The following TMEM74 variants were observed in gnomAD, a reference collection of about 807,000 sequenced individuals.
TMEM74 encodes transmembrane protein 74.
TMEM74 carries 13 observed loss-of-function variants against 18.1 expected under a neutral mutation model. That is an observed-to-expected ratio of 0.72 (90% confidence interval 0.47 to 1.14). The LOEUF (loss-of-function observed/expected upper bound fraction) is 1.14, where lower values mean the gene tolerates loss of function less well. Among genes scored for constraint, TMEM74 ranks in the 50% most tolerant of loss-of-function variants. TMEM74 has a pLI of 0.00. For missense variants in TMEM74, 372 were observed against 375.9 expected, an observed-to-expected ratio of 0.99 and a Z score of 0.09; for synonymous variants, 159 against 146.6, an observed-to-expected ratio of 1.08 and a Z score of -0.61.
At chr8:108,656,755 C>T (rs1292875326) in intron 1 of TMEM74, among the ~76,000 whole-genome samples, 1 of 151,988 alleles carries the variant, frequency 6.6e-6, no homozygotes, top group Non-Finnish European at 1.5e-5. Flanking sequence ...ATGTAGGTAA[C>T]AAAATAAAGA....
intron 1 of TMEM74, among the ~76,000 whole-genome samples, chr8:108,678,457 T>C (rs1186792704): frequency 2.0e-5 from 3 of 151,734 alleles, no homozygotes; most frequent in Non-Finnish European, 2.9e-5. Flanking sequence ...CTCTGCCTCC[T>C]GGGTTCAGGC....
At chr8:108,651,392 G>A (rs138522045) in intron 2 of TMEM74, among the ~76,000 whole-genome samples, 105 of 152,018 alleles carry the variant, frequency 6.9e-4, no homozygotes, top group Middle Eastern at 6.8e-3. Context: ...TCTGAATATA[G>A]TCTTTAGGCT....
At chr8:108,720,088 A>T (rs1246531348) in intron 1 of TMEM74, among the ~76,000 whole-genome samples, 1 of 152,162 alleles carries the variant, frequency 6.6e-6, no homozygotes, top group African/African-American at 2.4e-5. Flanking sequence ...TAACAAATAC[A>T]ATGTTCTTAA....
At chr8:108,691,007 A>G (rs1397853913) in intron 1 of TMEM74, among the ~76,000 whole-genome samples, 1 of 152,194 alleles carries the variant, frequency 6.6e-6, no homozygotes, top group African/African-American at 2.4e-5. Context: ...CTTCTATGCC[A>G]AGAGGGAAGA....
chr8:108,659,254 A>AACACACACACACAAACACACAC (rs6150751), intron 1 of TMEM74, among the ~76,000 whole-genome samples: 3 of 149,856 alleles, frequency 2.0e-5, no homozygotes, highest in Non-Finnish European at 4.4e-5. Context: ...ATAGCCCACT[A>AACACACACACACAAACACACAC]ACACACACAC....
At chr8:108,692,501 A>T (rs111527279) in intron 1 of TMEM74, among the ~76,000 whole-genome samples, 4,467 of 152,220 alleles carry the variant, frequency 0.029, 123 homozygotes, top group African/African-American at 0.066. Flanking sequence ...TTTCTGGATG[A>T]TCTTATACAG....
chr8:108,630,562 C>T (rs1226397431), intron 2 of TMEM74, among the ~76,000 whole-genome samples: 5 of 151,866 alleles, frequency 3.3e-5, no homozygotes, highest in East Asian at 1.9e-4. Flanking sequence ...ATTCTAAAAT[C>T]GACCATGTCA....
At chr8:108,622,686 A>G (rs1478038330) in intron 2 of TMEM74, among the ~76,000 whole-genome samples, 1 of 152,098 alleles carries the variant, frequency 6.6e-6, no homozygotes. Flanking sequence ...AGTATTTTAT[A>G]GTTTGGTATA....
intron 2 of TMEM74, among the ~76,000 whole-genome samples, chr8:108,649,150 C>T (rs1812748522): frequency 6.6e-6 from 1 of 152,096 alleles, no homozygotes. Flanking sequence ...GAACTTGTTT[C>T]TGCTTTCAAA....
chr8:108,687,533 T>C (rs1052646552), intron 1 of TMEM74, among the ~76,000 whole-genome samples: 1 of 152,222 alleles, frequency 6.6e-6, no homozygotes, highest in Non-Finnish European at 1.5e-5. Flanking sequence ...TTATTTCCAT[T>C]AGTATTACAT....
chr8:108,654,984 T>G (rs1163262051), intron 2 of TMEM74, among the ~76,000 whole-genome samples: 1 of 152,202 alleles, frequency 6.6e-6, no homozygotes, highest in African/African-American at 2.4e-5. Flanking sequence ...ATGTACTAAT[T>G]ACTATAGGTT....
At chr8:108,637,432 T>A (rs1812618001) in intron 2 of TMEM74, among the ~76,000 whole-genome samples, 1 of 152,116 alleles carries the variant, frequency 6.6e-6, no homozygotes. Flanking sequence ...GCTGAAGTGA[T>A]GAAGTATCTT....
At chr8:108,689,808 A>T (rs1813206896) in intron 1 of TMEM74, among the ~76,000 whole-genome samples, 1 of 152,150 alleles carries the variant, frequency 6.6e-6, no homozygotes, top group Non-Finnish European at 1.5e-5. Context: ...CAGTTGGCAA[A>T]GTGACTTTGT....
intron 1 of TMEM74, among the ~76,000 whole-genome samples, chr8:108,719,745 A>G (rs1179045814): frequency 6.6e-6 from 1 of 152,124 alleles, no homozygotes; most frequent in Admixed American, 6.5e-5. Flanking sequence ...TTGTATCATC[A>G]AAGTTTCTTT....
At chr8:108,785,875 G>C (rs1198284001) in intron 1 of TMEM74, among the ~76,000 whole-genome samples, 1 of 152,170 alleles carries the variant, frequency 6.6e-6, no homozygotes. Context: ...CTCCATGGGG[G>C]AAGCATGTTC....
intron 1 of TMEM74, among the ~76,000 whole-genome samples, chr8:108,754,003 T>G (rs1469942435): frequency 6.6e-6 from 1 of 151,930 alleles, no homozygotes. Flanking sequence ...AACCTTAGAG[T>G]TTCTGATTCA....
intron 2 of TMEM74, among the ~76,000 whole-genome samples, chr8:108,641,692 C>T (rs749524583): frequency 3.3e-5 from 5 of 152,116 alleles, no homozygotes; most frequent in South Asian, 2.1e-4. Context: ...GTTCTCAGGC[C>T]GCCTTGGTCT....
At chr8:108,727,604 A>G (rs1475859911) in intron 1 of TMEM74, among the ~76,000 whole-genome samples, 1 of 152,176 alleles carries the variant, frequency 6.6e-6, no homozygotes, top group Non-Finnish European at 1.5e-5. Context: ...GCTATCTTTC[A>G]TAGATATATA....
chr8:108,663,919 T>A (rs1812924891), intron 1 of TMEM74, among the ~76,000 whole-genome samples: 1 of 152,016 alleles, frequency 6.6e-6, no homozygotes, highest in Admixed American at 6.6e-5. Context: ...TGAGAACACG[T>A]GGACACATCA....
Sources: allele counts gnomAD v4.1 joint callset (sites outside exome capture counted in the v4.1 genomes callset), GRCh38; gene constraint gnomAD v4.1.1; transcripts MANE v1.5; gene names NCBI Gene and HGNC (gene_info 2026-07-23, HGNC 2026-07-21).